Variants in SVEP1 observed in about 807,000 individuals in gnomAD.
SVEP1 encodes the protein sushi, von Willebrand factor type A, EGF and pentraxin domain containing 1, also known as sushi, von Willebrand factor type A, EGF and pentraxin domain-containing protein 1.
Under a neutral mutation model 367.3 loss-of-function variants are expected in SVEP1, and 164 were observed. The observed-to-expected ratio is 0.45, with a 90% confidence interval of 0.39 to 0.51. SVEP1 has a LOEUF of 0.51. Ranked by LOEUF, SVEP1 falls within the 20% of genes least tolerant of loss-of-function variation. SVEP1 has a pLI of 0.00. For synonymous variants in SVEP1, 1,666 were observed against 1,611.6 expected, an observed-to-expected ratio of 1.03 and a Z score of -0.81; for missense variants, 4,117 against 4,425.3, an observed-to-expected ratio of 0.93 and a Z score of 1.98.
rs956894060 is a variant in SVEP1 at position 110,498,985 on chromosome 9, C to T, written c.1681+56G>A. ...CAAAGAAGGATTGTCCTATACTGCACCCATATGGCAATATTAAAAAATTTG... is the reference window on the plus strand; with the variant it reads ...CAAAGAAGGATTGTCCTATACTGCATCCATATGGCAATATTAAAAAATTTG... On this transcript the variant is annotated intron_variant, in intron 7 of 47. Coordinates refer to ENST00000374469, the MANE Select transcript of SVEP1 (RefSeq NM_153366.4). 5.3e-6 allele frequency: 8 copies of T among 1,498,258 alleles called. No individual in the cohort carries two copies. The African/African-American group carries it at 8.3e-5, about 15-fold the overall frequency. 92.8% of individuals were successfully genotyped at this position (1,498,258 alleles called of 1,614,324 possible). A position where few individuals can be genotyped will look rare whatever the true frequency, so the allele number is the denominator to read the frequency against.
chr9:110,547,022 G>T (rs896986968), intron 2 of SVEP1, among the ~76,000 whole-genome samples: 1 of 152,182 alleles, frequency 6.6e-6, no homozygotes, highest in Non-Finnish European at 1.5e-5. Flanking sequence ...GGTCCATGGG[G>T]CTCTAAGCCC....
intron 1 of SVEP1, among the ~76,000 whole-genome samples, chr9:110,552,673 T>C (rs759088284): frequency 6.6e-6 from 1 of 152,046 alleles, no homozygotes; most frequent in African/African-American, 2.4e-5. Context: ...GAGAATCTAA[T>C]GCTGCCGCTG....
intron 36 of SVEP1, among the ~76,000 whole-genome samples, chr9:110,414,319 A>AG (rs1324043637): frequency 6.6e-6 from 1 of 152,028 alleles, no homozygotes. Flanking sequence ...AGAAATCAGG[A>AG]AAAAAATAAC....
intron 46 of SVEP1, among the ~76,000 whole-genome samples, chr9:110,371,315 A>T (rs1827272689): frequency 1.3e-5 from 2 of 152,182 alleles, no homozygotes; most frequent in African/African-American, 4.8e-5. Context: ...CTGCACTAAC[A>T]AACTAGTCAT....
intron 22 of SVEP1, among the ~76,000 whole-genome samples, chr9:110,452,258 G>A (rs1828705285): frequency 6.6e-6 from 1 of 151,998 alleles, no homozygotes; most frequent in Non-Finnish European, 1.5e-5. Flanking sequence ...TAAATTTAAT[G>A]TCTAATAAAT....
At chr9:110,449,993 G>T in intron 24 of SVEP1, 66 bp downstream of exon 24, 1 of 1,556,576 alleles carries the variant, frequency 6.4e-7, no homozygotes. Context: ...ACTCCATAAA[G>T]GCTGCAGAAT....
At chr9:110,528,059 T>C (rs1829963037) in intron 3 of SVEP1, among the ~76,000 whole-genome samples, 1 of 142,818 alleles carries the variant, frequency 7.0e-6, no homozygotes, top group Non-Finnish European at 1.5e-5. Flanking sequence ...GGCTGAATAG[T>C]ATTCCATGGT....
At chr9:110,571,538 C>T (rs1382655095) in intron 1 of SVEP1, among the ~76,000 whole-genome samples, 2 of 152,168 alleles carry the variant, frequency 1.3e-5, no homozygotes, top group East Asian at 3.9e-4. Context: ...AACTAGATCC[C>T]AGAAGACATT....
chr9:110,548,943 C>G (rs886997150), intron 2 of SVEP1, among the ~76,000 whole-genome samples: 1 of 152,084 alleles, frequency 6.6e-6, no homozygotes, highest in Admixed American at 6.6e-5. Context: ...AGCAACATAG[C>G]GAGACACCAT....
At chr9:110,475,012 G>T (rs1259654559) in intron 14 of SVEP1, among the ~76,000 whole-genome samples, 1 of 150,318 alleles carries the variant, frequency 6.7e-6, no homozygotes, top group African/African-American at 2.4e-5. Context: ...ATATAGTATG[G>T]TATATATATG....
chr9:110,373,996 CTTTTT>C (rs554530313), intron 46 of SVEP1, among the ~76,000 whole-genome samples: 3 of 152,056 alleles, frequency 2.0e-5, no homozygotes, highest in South Asian at 2.1e-4. Context: ...TTCCTTTAAA[CTTTTT>C]TTTAACTTTT....
intron 36 of SVEP1, among the ~76,000 whole-genome samples, chr9:110,420,293 C>T (rs1381711675): frequency 4.8e-5 from 1 of 21,000 alleles, no homozygotes; most frequent in Non-Finnish European, 8.0e-5. Flanking sequence ...ATATCACCAC[C>T]GATCCCACAG....
chr9:110,539,327 T>C (rs751295503), intron 3 of SVEP1, among the ~76,000 whole-genome samples: 3 of 152,120 alleles, frequency 2.0e-5, no homozygotes, highest in Non-Finnish European at 4.4e-5. Context: ...CTAGAATTAG[T>C]TCGAGCTTTC....
chr9:110,388,091 A>G (rs920196072), intron 41 of SVEP1, among the ~76,000 whole-genome samples: 1 of 152,190 alleles, frequency 6.6e-6, no homozygotes, highest in Non-Finnish European at 1.5e-5. Context: ...AATTTGGTCA[A>G]GGTCATACTG....
At chr9:110,443,432 G>A (rs573355228) in intron 27 of SVEP1, 113 bp downstream of exon 27, 42 of 956,218 alleles carry the variant, frequency 4.4e-5, no homozygotes, top group Admixed American at 1.2e-4. Flanking sequence ...AAGAGAGATA[G>A]CTGTTAATCT....
chr9:110,542,827 AG>A (rs1423202391), intron 3 of SVEP1, among the ~76,000 whole-genome samples: 2 of 63,150 alleles, frequency 3.2e-5, no homozygotes, highest in Admixed American at 1.8e-4. Flanking sequence ...TCTTTTGGGG[AG>A]GGGGGAGGGA....
chr9:110,366,445 A>ATGT lies in SVEP1; in HGVS notation c.*91_*93dup. 7.6e-7 allele frequency: 1 copy of ATGT among 1,313,734 alleles called. No homozygotes were observed. The highest frequency in any genetic ancestry group is 1.0e-6 in the Non-Finnish European group (1 of 984,982). The allele number at this position is 1,313,734 out of a possible 1,614,324, so 81.4% of individuals were successfully genotyped here. The stretch of plus-strand genomic sequence containing the variant: ...AGTTTACTAAACAAGACCCAGCACC[A>ATGT]TGTTGGACTTTCTTTGCATAAGTTC... On this transcript the variant is annotated 3_prime_UTR_variant, in exon 48 of 48. Transcript: ENST00000374469.
rs576953745 is a variant in SVEP1, at chr9:110,526,961, A to G, written c.965-12855T>C. Among the ~76,000 whole-genome samples the G allele has an allele frequency of 6.6e-5, 10 of 152,258 alleles. No homozygotes were observed. The South Asian group carries it at 1.7e-3, about 25-fold the overall frequency. ...TTCTGCATGGCTCCATTTATATAAC[A>G]TTTGTGAAATGACAAAATTATAGAA... On this transcript the variant is annotated intron_variant, in intron 3 of 47. Coordinates refer to ENST00000374469, the MANE Select transcript of SVEP1 (RefSeq NM_153366.4).
At chr9:110,526,121 A>G (rs1829937398) in intron 3 of SVEP1, among the ~76,000 whole-genome samples, 1 of 152,146 alleles carries the variant, frequency 6.6e-6, no homozygotes, top group Non-Finnish European at 1.5e-5. Flanking sequence ...AACCAGTATT[A>G]GCCAAAGAGT....
Sources: gnomAD v4.1 joint callset for allele counts (sites outside exome capture counted in the v4.1 genomes callset) on GRCh38, gnomAD v4.1.1 for gene constraint, MANE v1.5 for transcripts, NCBI Gene and HGNC (gene_info 2026-07-23, HGNC 2026-07-21) for gene names.